The following ITFG2 variants were observed in gnomAD, a reference collection of about 807,000 sequenced individuals.
ITFG2 encodes the protein integrin alpha FG-GAP repeat containing 2, also known as KICSTOR complex protein ITFG2.
Under a neutral mutation model 54.4 loss-of-function variants are expected in ITFG2, and 36 were observed. That is an observed-to-expected ratio of 0.66 (90% CI 0.51 to 0.87). ITFG2 has a LOEUF of 0.87. Among genes scored for constraint, ITFG2 ranks in the 40% least tolerant of loss-of-function variants. The pLI, the probability that ITFG2 is intolerant of heterozygous loss-of-function variation, is 0.00. For missense variants in ITFG2, 524 were observed against 576.7 expected (o/e 0.91, Z 0.94); for synonymous variants, 211 against 225.4 (o/e 0.94, Z 0.57).
downstream of ITFG2, chr12:2,827,580 ACTT>A (rs757764325): frequency 3.5e-5 from 57 of 1,613,764 alleles, no homozygotes; most frequent in African/African-American, 6.7e-4. This position sits in a 1 kb window ranked among gnomAD's most constrained non-coding sequence, Gnocchi z 4.0. Context: ...GCCTTCTACT[ACTT>A]TTTCCCAGTG....
At position 2,852,430 on chromosome 12, in the gene ITFG2, A is replaced by G. The variant is rs768408977; in HGVS notation, n.301-5582A>G. On this transcript the variant is annotated intron_variant and non_coding_transcript_variant, in intron 2 of 3. Transcript: ENST00000537710. ...TGCCCAGCCTGGAGTGCAGTGGCAC[A>G]GTGATGGCTAACTGCAGCCTCGACC... is the stretch of plus-strand genomic sequence containing the variant. Among the ~76,000 whole-genome samples, 54 of 152,104 alleles carry G rather than the reference A, an allele frequency of 3.6e-4. 1 individual carries two copies. The highest frequency in any genetic ancestry group is 7.9e-4 in the Non-Finnish European group (54 of 67,982).
At chr12:2,820,628 G>GGGCCC in intron 5 of ITFG2, 96 bp from the exon 6 acceptor site, 1 of 251,778 alleles carries the variant, frequency 4.0e-6, no homozygotes. Context: ...CCCTGCCCCT[G>GGGCCC]CCCCCGCCCC....
intron 2 of ITFG2, among the ~76,000 whole-genome samples, chr12:2,846,741 T>C (rs939905788): frequency 6.6e-6 from 1 of 151,830 alleles, no homozygotes; most frequent in Non-Finnish European, 1.5e-5. Context: ...CACCCCTCAA[T>C]TCTGCTCTCA....
chr12:2,828,842 C>T (rs141598358), downstream of ITFG2, among the ~76,000 whole-genome samples: 282 of 152,014 alleles, frequency 1.9e-3, no homozygotes, highest in South Asian at 8.3e-3. Flanking sequence ...AACTCTGTCT[C>T]AAAACAAACA....
intron 2 of ITFG2, chr12:2,855,307 G>A (rs1262851527): frequency 5.2e-6 from 8 of 1,531,916 alleles, no homozygotes; most frequent in South Asian, 3.6e-5. Context: ...CTTCATATCT[G>A]TGCAGGGCGG....
At chr12:2,827,166 A>G (rs2097971663), downstream of ITFG2, 1 of 1,613,260 alleles carries the variant, frequency 6.2e-7, no homozygotes, top group African/African-American at 1.3e-5. This position sits in a 1 kb window ranked among gnomAD's most constrained non-coding sequence, Gnocchi z 4.0. Context: ...CTCTTCTTCT[A>G]AGGCAAGGTC....
Position 2,824,374 on chromosome 12 carries a change from G to T in ITFG2, c.*181G>T. On this transcript the variant is annotated 3_prime_UTR_variant, in exon 12 of 12. Coordinates refer to ENST00000228799, the MANE Select transcript of ITFG2 (RefSeq NM_018463.4). ...AACTATAGACCTCGCAGTCTTTTCGGTGAAAGAAGAGACAAGTTGACCCTC... is the reference window on the plus strand; with the variant it reads ...AACTATAGACCTCGCAGTCTTTTCGTTGAAAGAAGAGACAAGTTGACCCTC... 1 of 713,010 alleles carries T rather than the reference G, an allele frequency of 1.4e-6. No homozygotes were observed. Among genetic ancestry groups the T allele is most frequent in the Non-Finnish European group, 2.5e-6 (1 of 400,348 alleles). The allele number at this position is 713,010 out of a possible 1,614,324, so 44.2% of individuals were successfully genotyped here.
At chr12:2,837,291 C>T (rs907404344) in intron 1 of ITFG2, among the ~76,000 whole-genome samples, 8 of 152,228 alleles carry the variant, frequency 5.3e-5, no homozygotes, top group African/African-American at 1.9e-4. Context: ...TCCTGGCTAA[C>T]ACAGTGAAAC....
At chr12:2,832,017 C>T (rs541903171), upstream of ITFG2, among the ~76,000 whole-genome samples, 2 of 152,228 alleles carry the variant, frequency 1.3e-5, no homozygotes, top group East Asian at 3.9e-4. Flanking sequence ...AATACATCTG[C>T]TTGGAGCTTC....
At chr12:2,814,706 C>CTTG (rs138798527) in intron 1 of ITFG2, among the ~76,000 whole-genome samples, 37,569 of 151,740 alleles carry the variant, frequency 0.25, 5,241 homozygotes, top group East Asian at 0.47. Flanking sequence ...GTGGTGCATG[C>CTTG]TTGTAGTCCC....
intron 2 of ITFG2, among the ~76,000 whole-genome samples, chr12:2,853,607 G>GT (rs569055360): frequency 1.1e-3 from 154 of 145,506 alleles, no homozygotes; most frequent in Middle Eastern, 3.6e-3. Context: ...TTTTGTTTTT[G>GT]TTTTTGTTTT....
intron 11 of ITFG2, 56 bp from the exon 12 acceptor site, chr12:2,824,034 T>G (rs1448924634): frequency 1.2e-6 from 2 of 1,613,482 alleles, no homozygotes; most frequent in African/African-American, 2.7e-5. Context: ...GAAAAGCCAG[T>G]GGCCCGGGTG....
intron 2 of ITFG2, among the ~76,000 whole-genome samples, chr12:2,853,607 G>GTTTTT (rs569055360): frequency 6.9e-6 from 1 of 145,416 alleles, no homozygotes. Context: ...TTTTGTTTTT[G>GTTTTT]TTTTTGTTTT....
intron 2 of ITFG2, among the ~76,000 whole-genome samples, chr12:2,849,727 T>C (rs373479121): frequency 2.6e-5 from 4 of 152,324 alleles, no homozygotes; most frequent in African/African-American, 9.6e-5. Flanking sequence ...GTGTTGGTGT[T>C]AGGCTGGTGA....
chr12:2,818,090 C>A lies in ITFG2; in HGVS notation c.235-16C>A. ...CCCTCCCCAGTCCATCTCTACTATA[C>A]CTCTGTTTGTCCTAGAACCTGTTGG... On this transcript the variant is annotated splice_polypyrimidine_tract_variant and intron_variant, in intron 3 of 11. Transcript: ENST00000228799. The A allele has an allele frequency of 6.2e-7, 1 of 1,613,456 alleles. No individual in the cohort carries two copies. The highest frequency in any genetic ancestry group is 8.5e-7 in the Non-Finnish European group (1 of 1,179,386).
At chr12:2,821,907 G>C in intron 9 of ITFG2, 115 bp downstream of exon 9, 1 of 656,652 alleles carries the variant, frequency 1.5e-6, no homozygotes, top group South Asian at 2.0e-5. Context: ...TTTATCTTTA[G>C]TCTCTGTCTC....
chr12:2,827,220 T>C (rs149956342), downstream of ITFG2: 5 of 1,614,006 alleles, frequency 3.1e-6, no homozygotes, highest in Non-Finnish European at 4.2e-6. This position sits in a 1 kb window ranked among gnomAD's most constrained non-coding sequence, Gnocchi z 4.0. Context: ...CTGGCCAGGC[T>C]CTTGGTACAA....
intron 4 of ITFG2, chr12:2,819,626 C>CAA (rs200377386): frequency 0.016 from 2,171 of 136,656 alleles, 39 homozygotes; most frequent in African/African-American, 0.047. Flanking sequence ...GACTCTGTCT[C>CAA]AAAAAAAAAA....
At chr12:2,855,265 C>G (rs771270267) in intron 2 of ITFG2, 2 of 1,513,810 alleles carry the variant, frequency 1.3e-6, no homozygotes, top group Admixed American at 4.0e-5. Flanking sequence ...GCCACCCTTC[C>G]AAGGGTGGAT....
Sources: allele counts gnomAD v4.1 joint callset (sites outside exome capture counted in the v4.1 genomes callset), GRCh38; gene constraint gnomAD v4.1.1; non-coding constraint Gnocchi (gnomAD v3.1); transcripts MANE v1.5; gene names NCBI Gene and HGNC (gene_info 2026-07-23, HGNC 2026-07-21).